Variants in SCHIP1 observed in about 807,000 individuals in gnomAD.
The protein encoded by SCHIP1 is schwannomin-interacting protein 1.
A neutral mutation model predicts 29.7 loss-of-function variants in SCHIP1; 8 were observed. The observed-to-expected ratio is 0.27, with a 90% confidence interval of 0.16 to 0.49. The LOEUF is 0.49. SCHIP1 is among the 20% of genes least tolerant of loss of function. The pLI is 0.99. For synonymous variants in SCHIP1, 76 were observed against 94.9 expected (o/e 0.80, Z 1.16); for missense variants, 193 against 294.6 (o/e 0.66, Z 2.52).
At chr3:159,543,628 T>A in the SCHIP1 span, among the ~76,000 whole-genome samples, 5 of 151,836 alleles carry the variant, frequency 3.3e-5, no homozygotes, top group Admixed American at 1.3e-4. Flanking sequence ...TGTTGGACAT[T>A]TGGGTTGGTT....
At chr3:159,588,412 G>T in the SCHIP1 span, among the ~76,000 whole-genome samples, 2 of 152,148 alleles carry the variant, frequency 1.3e-5, no homozygotes, top group Admixed American at 1.3e-4. Context: ...CCATTCTGTA[G>T]GTTGCCAGTT....
the SCHIP1 span, among the ~76,000 whole-genome samples, chr3:159,786,926 T>G: frequency 6.6e-6 from 1 of 152,112 alleles, no homozygotes; most frequent in Non-Finnish European, 1.5e-5. Flanking sequence ...TGAAGACAGT[T>G]TTGAAGACAA....
chr3:159,460,372 A>G, the SCHIP1 span, among the ~76,000 whole-genome samples: 2 of 152,218 alleles, frequency 1.3e-5, no homozygotes, highest in African/African-American at 4.8e-5. Context: ...AGAGCATAGC[A>G]TGGAGATAAC....
At chr3:159,339,711 C>T in the SCHIP1 span, among the ~76,000 whole-genome samples, 22 of 152,152 alleles carry the variant, frequency 1.4e-4, no homozygotes, top group Non-Finnish European at 2.2e-4. Flanking sequence ...TGTGAGGGCA[C>T]GTTGGAATTT....
intron 1 of SCHIP1, among the ~76,000 whole-genome samples, 167 bp from the exon 3 acceptor site, chr3:159,865,996 G>A (rs1714582653): frequency 6.6e-6 from 1 of 152,250 alleles, no homozygotes; most frequent in Admixed American, 6.5e-5. Context: ...AGCCAGAAGA[G>A]ACTGGTAAAA....
the SCHIP1 span, among the ~76,000 whole-genome samples, chr3:159,580,038 C>T: frequency 2.0e-5 from 3 of 151,986 alleles, no homozygotes; most frequent in Non-Finnish European, 2.9e-5. Context: ...GAATAGAAAC[C>T]GGCTTATTTT....
chr3:159,820,655 G>A, the SCHIP1 span, among the ~76,000 whole-genome samples: 2 of 152,180 alleles, frequency 1.3e-5, no homozygotes, highest in African/African-American at 2.4e-5. Context: ...GGTCAGGGTT[G>A]AGAGAGATCA....
At chr3:159,319,963 C>G in the SCHIP1 span, among the ~76,000 whole-genome samples, 1 of 152,092 alleles carries the variant, frequency 6.6e-6, no homozygotes, top group Non-Finnish European at 1.5e-5. Context: ...ATGCTCAAAA[C>G]CTTTGTGTCC....
chr3:159,523,044 T>A, the SCHIP1 span, among the ~76,000 whole-genome samples: 3 of 152,192 alleles, frequency 2.0e-5, no homozygotes, highest in African/African-American at 7.2e-5. Context: ...CTATCACATA[T>A]TGGCCAGTAC....
chr3:159,564,376 T>C, the SCHIP1 span, among the ~76,000 whole-genome samples: 7 of 148,618 alleles, frequency 4.7e-5, no homozygotes, highest in African/African-American at 7.8e-5. Context: ...GGAACCGTTA[T>C]CTTGATTTTT....
chr3:159,398,352 C>A, the SCHIP1 span, among the ~76,000 whole-genome samples: 5 of 152,144 alleles, frequency 3.3e-5, no homozygotes, highest in East Asian at 5.8e-4. Context: ...GCTCCTCCCC[C>A]TCGCCAGCAC....
At chr3:159,372,054 G>T in the SCHIP1 span, among the ~76,000 whole-genome samples, 1 of 152,010 alleles carries the variant, frequency 6.6e-6, no homozygotes, top group Non-Finnish European at 1.5e-5. Flanking sequence ...GAATTTTATT[G>T]AAATAGCTTC....
the SCHIP1 span, among the ~76,000 whole-genome samples, chr3:159,345,486 C>T: frequency 6.6e-6 from 1 of 151,682 alleles, no homozygotes; most frequent in Non-Finnish European, 1.5e-5. Context: ...CAAGGCAGAG[C>T]CAGGAAGGTT....
chr3:159,853,204 G>A, intron 1 of SCHIP1: 1 of 452,772 alleles, frequency 2.2e-6, no homozygotes, highest in Non-Finnish European at 3.9e-6. Context: ...AGGGAGGCTG[G>A]GCGGGGCAGT....
chr3:159,626,187 G>GAT, the SCHIP1 span, among the ~76,000 whole-genome samples: 26 of 108,286 alleles, frequency 2.4e-4, 2 homozygotes, highest in South Asian at 6.6e-3. Context: ...TATCTAGATA[G>GAT]ATAGATAGAT....
At chr3:159,513,369 T>C in the SCHIP1 span, among the ~76,000 whole-genome samples, 1 of 152,250 alleles carries the variant, frequency 6.6e-6, no homozygotes, top group Non-Finnish European at 1.5e-5. Context: ...TTTAAGAACC[T>C]GGATAAGCTT....
At chr3:159,491,358 C>T in the SCHIP1 span, among the ~76,000 whole-genome samples, 2 of 152,212 alleles carry the variant, frequency 1.3e-5, no homozygotes, top group Admixed American at 6.5e-5. Context: ...TTCCTAGTCA[C>T]AGAAAGGGGT....
At chr3:159,745,680 C>A in the SCHIP1 span, among the ~76,000 whole-genome samples, 1 of 152,164 alleles carries the variant, frequency 6.6e-6, no homozygotes, top group East Asian at 1.9e-4. Flanking sequence ...CCTTTAATTC[C>A]CTGCTCATGT....
At chr3:159,717,654 C>T in the SCHIP1 span, among the ~76,000 whole-genome samples, 4 of 152,200 alleles carry the variant, frequency 2.6e-5, no homozygotes, top group African/African-American at 9.7e-5. Context: ...TTCCTGAACA[C>T]ATACACCATC....
Sources: allele counts gnomAD v4.1 joint callset (sites outside exome capture counted in the v4.1 genomes callset), GRCh38; gene constraint gnomAD v4.1.1; transcripts MANE v1.5; gene names NCBI Gene and HGNC (gene_info 2026-07-23, HGNC 2026-07-21).